RIMBP2: variants seen among roughly 807,000 people sequenced by gnomAD.
RIMBP2 encodes RIMS binding protein 2, also known as RIMS-binding protein 2.
A neutral mutation model predicts 118.6 loss-of-function variants in RIMBP2; 48 were observed. The observed-to-expected ratio is 0.40, with a 90% confidence interval of 0.32 to 0.51. The LOEUF (loss-of-function observed/expected upper bound fraction) is 0.51, where lower values mean the gene tolerates loss of function less well. Among genes scored for constraint, RIMBP2 ranks in the 20% least tolerant of loss-of-function variants. RIMBP2 has a pLI of 0.41. For missense variants in RIMBP2, 1,551 were observed against 1,768.3 expected (o/e 0.88, Z 2.20); for synonymous variants, 762 against 742.9 (o/e 1.03, Z -0.42).
intron 2 of RIMBP2, among the ~76,000 whole-genome samples, chr12:130,540,884 G>A (rs775667013): frequency 4.6e-4 from 70 of 152,272 alleles, no homozygotes; most frequent in Non-Finnish European, 6.0e-4. Flanking sequence ...GTATTTCAAG[G>A]GGATTTGATG....
Position 130,615,297 on chromosome 12 carries a change from G to GTA in RIMBP2, c.-217+13024_-217+13025insTA, listed in dbSNP as rs1198085132. 3.3e-3 allele frequency among the ~76,000 whole-genome samples: 393 copies of GTA among 118,086 alleles called. 3 individuals are homozygous for GTA. Among genetic ancestry groups the GTA allele is most frequent in the African/African-American group, 0.012 (367 of 30,624 alleles). The allele number at this position is 118,086 out of a possible 152,430, so 77.5% of individuals were successfully genotyped here. A position where few individuals can be genotyped will look rare whatever the true frequency, so the allele number is the denominator to read the frequency against. On this transcript the variant is annotated intron_variant, in intron 2 of 22. Coordinates refer to ENST00000690449, the MANE Select transcript of RIMBP2 (RefSeq NM_001393629.1). ...CATACATATATATATATATATATAT[G>GTA]TGTACACACAAACATATATAGATAT...
rs2137255042 is a variant in RIMBP2 at position 130,446,205 on chromosome 12, A to C, written c.582-936T>G. 6.6e-6 allele frequency among the ~76,000 whole-genome samples: 1 copy of C among 152,390 alleles called. No homozygotes were observed. The highest frequency in any genetic ancestry group is 1.5e-5 in the Non-Finnish European group (1 of 68,046). ...TAAAATAACAGCGAAGAACTCATTA[A>C]AAAATGAAAATAACATTAGAGTTGG... On this transcript the variant is annotated intron_variant, in intron 9 of 22. Coordinates refer to ENST00000690449, the MANE Select transcript of RIMBP2 (RefSeq NM_001393629.1). This position sits in a 1 kb window ranked among gnomAD's most constrained non-coding sequence, Gnocchi z 4.1.
intron 17 of RIMBP2, among the ~76,000 whole-genome samples, chr12:130,416,742 T>G (rs1425285747): frequency 6.6e-6 from 1 of 152,064 alleles, no homozygotes; most frequent in African/African-American, 2.4e-5. Flanking sequence ...TTAAAGAACT[T>G]CTGCACAGCA....
rs2077724627 is a variant in RIMBP2 at position 130,438,505 on chromosome 12, G to A, written c.1516C>T (p.Pro506Ser). Residue 506 changes from proline to serine, a missense_variant, in exon 12 of 23, where the codon CCC becomes TCC. Transcript: ENST00000690449. ...FSTLPAGPPA[P>S]PQDVTVQAGV... ...GCCTGGACGGTAACATCTTGTGGGG[G>A]TGCTGGGGGTCCTGGGAGGGGACAG... 6.2e-7 allele frequency: 1 copy of A among 1,603,876 alleles called. No individual in the cohort carries two copies. Among genetic ancestry groups the A allele is most frequent in the Non-Finnish European group, 8.5e-7 (1 of 1,174,412 alleles).
Position 130,525,494 on chromosome 12 carries a change from G to C in RIMBP2, c.-216-7577C>G, listed in dbSNP as rs1422677082. On this transcript the variant is annotated intron_variant, in intron 2 of 22. Coordinates refer to ENST00000690449, the MANE Select transcript of RIMBP2 (RefSeq NM_001393629.1). This position sits in a 1 kb window ranked among gnomAD's most constrained non-coding sequence, Gnocchi z 4.4. Reference sequence around the variant, plus strand: ...AAGGAAGGTAGAGAATGCCCTGGAGGCAGTCACAGAGTCAGTAACTCCTCC... The same window carrying C: ...AAGGAAGGTAGAGAATGCCCTGGAGCCAGTCACAGAGTCAGTAACTCCTCC... 6.6e-6 allele frequency among the ~76,000 whole-genome samples: 1 copy of C among 152,198 alleles called. No individual in the cohort carries two copies. The highest frequency in any genetic ancestry group is 1.5e-5 in the Non-Finnish European group (1 of 68,044).
chr12:130,644,956 G>A (rs955453319), intron 1 of RIMBP2, among the ~76,000 whole-genome samples: 1 of 152,202 alleles, frequency 6.6e-6, no homozygotes, highest in African/African-American at 2.4e-5. Flanking sequence ...AGTTGGGTCC[G>A]GGAGCCAGCG....
chr12:130,560,508 G>A (rs2056736939), intron 2 of RIMBP2, among the ~76,000 whole-genome samples: 1 of 152,054 alleles, frequency 6.6e-6, no homozygotes, highest in African/African-American at 2.4e-5. Context: ...TTGTTCTCTG[G>A]GAGGCAGTAT....
At chr12:130,657,619 G>C (rs1218451712) in intron 1 of RIMBP2, among the ~76,000 whole-genome samples, 1 of 152,084 alleles carries the variant, frequency 6.6e-6, no homozygotes, top group Non-Finnish European at 1.5e-5. Flanking sequence ...ACCCGCAGAA[G>C]GGCTGTGCGG....
chr12:130,677,165 G>A (rs1350810012), intron 1 of RIMBP2, among the ~76,000 whole-genome samples: 1 of 152,110 alleles, frequency 6.6e-6, no homozygotes, highest in Non-Finnish European at 1.5e-5. Flanking sequence ...GTGGGTAGAG[G>A]CCAGGGACAC....
At chr12:130,410,693 T>G (rs900254381) in intron 19 of RIMBP2, among the ~76,000 whole-genome samples, 1 of 152,334 alleles carries the variant, frequency 6.6e-6, no homozygotes, top group East Asian at 1.9e-4. Context: ...GTTTCTGGAC[T>G]TCATTCTGCC....
At chr12:130,709,838 C>T (rs981324881) in intron 1 of RIMBP2, among the ~76,000 whole-genome samples, 1 of 152,162 alleles carries the variant, frequency 6.6e-6, no homozygotes, top group Admixed American at 6.5e-5. Context: ...AACGCACCCC[C>T]AGGCCCCCTC....
At chr12:130,468,973 G>T in intron 6 of RIMBP2, 1 of 152,300 alleles carries the variant, frequency 6.6e-6, no homozygotes. Flanking sequence ...GCTCCTCGGA[G>T]CAGCTCCTCA....
chr12:130,713,181 G>T (rs1950044306), intron 1 of RIMBP2, among the ~76,000 whole-genome samples: 1 of 144,076 alleles, frequency 6.9e-6, no homozygotes, highest in Non-Finnish European at 1.5e-5. Context: ...GAAGAAGGAA[G>T]GAAGGAAAGA....
intron 1 of RIMBP2, among the ~76,000 whole-genome samples, chr12:130,632,369 C>A (rs1479886656): frequency 6.6e-6 from 1 of 152,060 alleles, no homozygotes; most frequent in Non-Finnish European, 1.5e-5. Flanking sequence ...CAGGAAGTCA[C>A]GATAATCTGC....
At chr12:130,456,809 T>C in intron 6 of RIMBP2, 109 bp from the exon 7 acceptor site, 4 of 763,420 alleles carry the variant, frequency 5.2e-6, no homozygotes, top group Non-Finnish European at 8.5e-6. Flanking sequence ...TGTGTGCACG[T>C]GTGTACACAC....
intron 22 of RIMBP2, 125 bp downstream of exon 22, chr12:130,399,553 GA>G (rs1477810181): frequency 4.7e-5 from 53 of 1,119,840 alleles, no homozygotes; most frequent in Middle Eastern, 2.4e-4. Context: ...TCAGGGCAGA[GA>G]AAAAAAATTC....
In RIMBP2 at chr12:130,451,234, C is replaced by A. The variant is rs944493498; in HGVS notation, c.465G>T (p.Leu155=). 3 of 1,614,146 alleles carry A rather than the reference C, an allele frequency of 1.9e-6. No individual in the cohort carries two copies. The highest frequency in any genetic ancestry group is 2.5e-6 in the Non-Finnish European group (3 of 1,180,008). Residue 155 remains leucine, a synonymous_variant, in exon 8 of 23, where the codon CTG becomes CTT. Coordinates refer to ENST00000690449, the MANE Select transcript of RIMBP2 (RefSeq NM_001393629.1). ...TGCATCTTGCGCTACCGGATCTCGA[C>A]AGGAAGGTGGGCTTGGCGGACAGAG... ...PEPLSAKPTF[L]SRSGSARCRS...
chr12:130,679,605 T>C (rs1193726249), intron 1 of RIMBP2, among the ~76,000 whole-genome samples: 1 of 152,182 alleles, frequency 6.6e-6, no homozygotes, highest in Non-Finnish European at 1.5e-5. Flanking sequence ...CGCATTCGCC[T>C]GGTGAGAATC....
At chr12:130,458,628 G>A (rs1027925533) in intron 6 of RIMBP2, among the ~76,000 whole-genome samples, 4 of 152,216 alleles carry the variant, frequency 2.6e-5, no homozygotes, top group Admixed American at 6.5e-5. Context: ...TGGGGCACTC[G>A]CGGAGCCTTC....
Sources: allele counts gnomAD v4.1 joint callset (sites outside exome capture counted in the v4.1 genomes callset), GRCh38; gene constraint gnomAD v4.1.1; non-coding constraint Gnocchi (gnomAD v3.1); transcripts MANE v1.5; gene names NCBI Gene and HGNC (gene_info 2026-07-23, HGNC 2026-07-21).